Variants in NAV3 observed in about 807,000 individuals in gnomAD.
NAV3 encodes the protein pore membrane and/or filament interacting like protein 1.
In NAV3, 87 loss-of-function variants were observed where a neutral mutation model predicts 244.7. The observed-to-expected ratio is 0.36, with a 90% CI of 0.30 to 0.42. NAV3 has a LOEUF of 0.42. NAV3 is among the 20% of genes least tolerant of loss of function. NAV3 has a pLI of 1.00. For missense variants in NAV3, 2,663 were observed against 2,893.3 expected (o/e 0.92, Z 1.83); for synonymous variants, 1,126 against 1,042.2 (o/e 1.08, Z -1.55).
chr12:78,053,432 T>C (rs1465499061), intron 11 of NAV3, among the ~76,000 whole-genome samples: 1 of 152,132 alleles, frequency 6.6e-6, no homozygotes, highest in East Asian at 1.9e-4. Context: ...TTTTGTCAAC[T>C]GATCAATACA....
chr12:78,049,043 C>G (rs1593388259), intron 9 of NAV3, among the ~76,000 whole-genome samples: 2 of 152,326 alleles, frequency 1.3e-5, no homozygotes, highest in East Asian at 3.9e-4. Flanking sequence ...CTACTCAAGC[C>G]TCAGTTATGG....
chr12:77,871,186 A>G (rs769435066), intron 1 of NAV3, among the ~76,000 whole-genome samples: 1 of 152,224 alleles, frequency 6.6e-6, no homozygotes, highest in African/African-American at 2.4e-5. Flanking sequence ...ATTCCAATAG[A>G]GATCTAAAAG....
chr12:77,783,017 C>T (rs771895687), intron 2 of NAV3, among the ~76,000 whole-genome samples: 1 of 151,650 alleles, frequency 6.6e-6, no homozygotes, highest in Non-Finnish European at 1.5e-5. Flanking sequence ...AATTGTTTTT[C>T]TCATTATGTT....
intron 16 of NAV3, among the ~76,000 whole-genome samples, chr12:78,125,794 G>T (rs979832553): frequency 6.6e-6 from 1 of 152,076 alleles, no homozygotes; most frequent in Non-Finnish European, 1.5e-5. Context: ...AATTATTATG[G>T]TAACTTTAAA....
chr12:77,661,769 A>G (rs1193113611), intron 2 of NAV3, among the ~76,000 whole-genome samples: 1 of 152,004 alleles, frequency 6.6e-6, no homozygotes, highest in African/African-American at 2.4e-5. Context: ...CAGCTATCCA[A>G]TCATCCCAAT....
chr12:78,078,093 C>G (rs910465353), intron 12 of NAV3, among the ~76,000 whole-genome samples: 2 of 151,958 alleles, frequency 1.3e-5, no homozygotes, highest in African/African-American at 4.8e-5. Context: ...CATTGTCTTC[C>G]CTGTGTGTGT....
intron 1 of NAV3, among the ~76,000 whole-genome samples, chr12:77,832,762 C>A (rs1873940074): frequency 6.6e-6 from 1 of 152,032 alleles, no homozygotes; most frequent in African/African-American, 2.4e-5. Flanking sequence ...CATTAACGAT[C>A]CACACTCCCC....
intron 1 of NAV3, among the ~76,000 whole-genome samples, chr12:77,931,189 T>C (rs1158219033): frequency 2.0e-5 from 3 of 152,294 alleles, no homozygotes; most frequent in African/African-American, 7.2e-5. Flanking sequence ...TTGATCTCCC[T>C]TCCAATAAAC....
chr12:77,699,148 A>G (rs1875446790), intron 2 of NAV3, among the ~76,000 whole-genome samples: 2 of 152,142 alleles, frequency 1.3e-5, no homozygotes. Context: ...TTTCATGCCT[A>G]AGAATCTTGC....
intron 2 of NAV3, among the ~76,000 whole-genome samples, chr12:77,711,935 A>G (rs1375587212): frequency 1.3e-5 from 2 of 152,102 alleles, no homozygotes; most frequent in Admixed American, 6.6e-5. Context: ...ATAGCCCTCT[A>G]CTTCCAATGA....
At position 77,871,047 on chromosome 12, in the gene NAV3, G is replaced by A. The variant is rs139067087; in HGVS notation, c.243+39343G>A. On this transcript the variant is annotated intron_variant, in intron 1 of 39. Transcript: ENST00000397909. The stretch of plus-strand genomic sequence containing the variant: ...ATGAAATAAGCACATGAAAGTAACC[G>A]GCCCATCATAGGAGGCCCACTTATT... Among the ~76,000 whole-genome samples the A allele has an allele frequency of 7.2e-3, 1,096 of 152,130 alleles. 5 individuals carry two copies. The highest frequency in any genetic ancestry group is 0.017 in the Middle Eastern group (5 of 294).
Position 78,191,208 on chromosome 12 carries a change from A to G in NAV3, c.6291+989A>G, listed in dbSNP as rs1202256492. The stretch of plus-strand genomic sequence containing the variant: ...CCAGGCATATAGCTTAATGAACAAA[A>G]AGTATTAATTTTCTCACCTGTAAAA... On this transcript the variant is annotated intron_variant, in intron 34 of 39. Coordinates refer to ENST00000397909, the MANE Select transcript of NAV3 (RefSeq NM_001024383.2). 3.9e-5 allele frequency among the ~76,000 whole-genome samples: 6 copies of G among 152,136 alleles called. No individual in the cohort carries two copies. In the South Asian group the frequency reaches 1.0e-3, roughly 26 times the overall value.
chr12:77,998,110 G>A (rs11107762), intron 6 of NAV3, among the ~76,000 whole-genome samples: 17,520 of 152,086 alleles, frequency 0.12, 1,182 homozygotes, highest in South Asian at 0.15. Context: ...TTTAATTATT[G>A]TATATTATTA....
At chr12:77,663,957 A>G (rs1873597905) in intron 2 of NAV3, among the ~76,000 whole-genome samples, 1 of 152,288 alleles carries the variant, frequency 6.6e-6, no homozygotes, top group South Asian at 2.1e-4. Context: ...CAATCAATAT[A>G]TTTTTACCAT....
intron 2 of NAV3, among the ~76,000 whole-genome samples, chr12:77,599,029 C>T (rs1287690945): frequency 6.6e-6 from 1 of 152,010 alleles, no homozygotes; most frequent in African/African-American, 2.4e-5. Context: ...CCATATCCCA[C>T]CTACCCTACT....
intron 12 of NAV3, among the ~76,000 whole-genome samples, chr12:78,081,098 C>T (rs992156247): frequency 1.3e-5 from 2 of 152,114 alleles, no homozygotes; most frequent in African/African-American, 2.4e-5. Flanking sequence ...GCCTATCAGG[C>T]TATGTAAGTC....
intron 1 of NAV3, among the ~76,000 whole-genome samples, chr12:77,837,649 TA>T (rs1874897889): frequency 6.6e-6 from 1 of 152,178 alleles, no homozygotes; most frequent in South Asian, 2.1e-4. Context: ...ACATTATTCT[TA>T]ACCAAGAAAC....
chr12:77,999,316 CAG>C lies in NAV3; in HGVS notation c.880+843_880+844del, dbSNP rs571653186. Among the ~76,000 whole-genome samples the C allele has an allele frequency of 3.3e-4, 51 of 152,334 alleles. No homozygotes were observed. In the East Asian group the frequency reaches 9.4e-3, roughly 28 times the overall value. ...ATCAATAGAACTTCAAACTTTTCTT[CAG>C]AGTGTTGGGCTCTACATGGAAAAAC... On this transcript the variant is annotated intron_variant, in intron 7 of 39. Coordinates refer to ENST00000397909, the MANE Select transcript of NAV3 (RefSeq NM_001024383.2).
intron 1 of NAV3, among the ~76,000 whole-genome samples, chr12:77,846,332 A>G (rs1209220196): frequency 6.6e-6 from 1 of 152,234 alleles, no homozygotes; most frequent in Non-Finnish European, 1.5e-5. Flanking sequence ...AATGAATGCA[A>G]TGTATTTAGA....
Sources: allele counts gnomAD v4.1 joint callset (sites outside exome capture counted in the v4.1 genomes callset), GRCh38; gene constraint gnomAD v4.1.1; transcripts MANE v1.5; gene names NCBI Gene and HGNC (gene_info 2026-07-23, HGNC 2026-07-21).